The following GPHN variants were observed in gnomAD, a reference collection of about 807,000 sequenced individuals.
GPHN encodes gephyrin.
GPHN carries 17 observed loss-of-function variants against 95.5 expected under a neutral mutation model. That is an observed-to-expected ratio of 0.18 (90% CI 0.12 to 0.27). The LOEUF (loss-of-function observed/expected upper bound fraction) is 0.27, where lower values mean the gene tolerates loss of function less well. GPHN is among the 10% of genes least tolerant of loss of function. The pLI is 1.00. For synonymous variants in GPHN, 320 were observed against 322.5 expected, an observed-to-expected ratio of 0.99 and a Z score of 0.08; for missense variants, 660 against 978.1, an observed-to-expected ratio of 0.67 and a Z score of 4.34.
intron 3 of GPHN, among the ~76,000 whole-genome samples, chr14:66,800,455 T>C (rs1370300437): frequency 2.0e-5 from 3 of 152,152 alleles, no homozygotes; most frequent in Non-Finnish European, 4.4e-5. Flanking sequence ...TATTCTATTC[T>C]AGGGTAAAAG....
chr14:66,630,484 T>TAAAA (rs200022864), intron 1 of GPHN, among the ~76,000 whole-genome samples: 2,826 of 152,120 alleles, frequency 0.019, 78 homozygotes, highest in African/African-American at 0.064. Flanking sequence ...ATTGTTGTTG[T>TAAAA]TGTTATTTTT....
At chr14:66,842,337 G>T (rs2062133713) in intron 4 of GPHN, among the ~76,000 whole-genome samples, 1 of 148,674 alleles carries the variant, frequency 6.7e-6, no homozygotes, top group African/African-American at 2.5e-5. Context: ...GAGTGGAAGG[G>T]ATCCCACTGA....
chr14:67,248,273 C>A, the GPHN span, among the ~76,000 whole-genome samples: 1 of 151,918 alleles, frequency 6.6e-6, no homozygotes, highest in South Asian at 2.1e-4. Flanking sequence ...GTAGCCCCAG[C>A]CAATTGGGAG....
chr14:67,450,886 T>C, the GPHN span, among the ~76,000 whole-genome samples: 1 of 152,214 alleles, frequency 6.6e-6, no homozygotes, highest in Non-Finnish European at 1.5e-5. Flanking sequence ...CTCCAGGGCA[T>C]GTCAGAGGTC....
the GPHN span, among the ~76,000 whole-genome samples, chr14:67,351,378 G>T: frequency 6.6e-6 from 1 of 152,072 alleles, no homozygotes; most frequent in South Asian, 2.1e-4. Context: ...AAACTGTAAA[G>T]CAACAAAAGA....
intron 10 of GPHN, among the ~76,000 whole-genome samples, chr14:67,057,857 A>G (rs986498814): frequency 3.3e-5 from 5 of 152,232 alleles, no homozygotes; most frequent in African/African-American, 9.6e-5. Context: ...GGGTATGTGT[A>G]TCACTGATCA....
At chr14:67,733,955 C>A in the GPHN span, 3 of 761,922 alleles carry the variant, frequency 3.9e-6, no homozygotes, top group Non-Finnish European at 6.9e-6. Flanking sequence ...GCTGGTGCTG[C>A]GAATCCTGCC....
the GPHN span, chr14:67,620,236 C>T: frequency 9.3e-6 from 5 of 537,070 alleles, 1 homozygote; most frequent in South Asian, 8.6e-5. Flanking sequence ...CGCTACTGGG[C>T]ACCGTGGGAG....
the GPHN span, among the ~76,000 whole-genome samples, chr14:67,281,921 T>G: frequency 1.2e-4 from 19 of 152,186 alleles, no homozygotes; most frequent in Admixed American, 6.5e-5. Flanking sequence ...CTGTGGTTTT[T>G]AAAAGTACCT....
the GPHN span, chr14:67,646,784 T>A: frequency 6.6e-7 from 1 of 1,524,494 alleles, no homozygotes; most frequent in Non-Finnish European, 9.1e-7. Flanking sequence ...TCCTAGCCAA[T>A]TATGTTCTAT....
intron 4 of GPHN, among the ~76,000 whole-genome samples, chr14:66,847,968 C>G (rs912600500): frequency 4.0e-5 from 6 of 151,890 alleles, no homozygotes; most frequent in Admixed American, 6.6e-5. Flanking sequence ...GTAAATTGCC[C>G]CAGAAAGACT....
At chr14:66,941,885 T>C (rs1384453359) in intron 8 of GPHN, among the ~76,000 whole-genome samples, 1 of 152,220 alleles carries the variant, frequency 6.6e-6, no homozygotes, top group African/African-American at 2.4e-5. Context: ...TTAAGGGCTG[T>C]AAATAGTTCA....
At position 67,012,512 on chromosome 14, in the gene GPHN, A is replaced by G. The variant is rs564561942; in HGVS notation, c.964-11121A>G. 5.5e-4 allele frequency among the ~76,000 whole-genome samples: 84 copies of G among 152,246 alleles called. 1 individual carries two copies. The highest frequency in any genetic ancestry group is 3.2e-3 in the Admixed American group (49 of 15,306). On this transcript the variant is annotated intron_variant, in intron 9 of 22. Transcript: ENST00000478722. Reference sequence around the variant, plus strand: ...TGACCAATTACAACAGTCTTCTTTGATGTGGAAGAGGTTACAAATATTTCC... The same window carrying G: ...TGACCAATTACAACAGTCTTCTTTGGTGTGGAAGAGGTTACAAATATTTCC...
the GPHN span, among the ~76,000 whole-genome samples, chr14:67,532,135 T>C: frequency 1.3e-5 from 2 of 152,148 alleles, no homozygotes; most frequent in African/African-American, 4.8e-5. Context: ...TTCTCACGTT[T>C]GGCCTCCTGC....
At chr14:67,443,929 T>C in the GPHN span, among the ~76,000 whole-genome samples, 2 of 152,328 alleles carry the variant, frequency 1.3e-5, no homozygotes, top group Admixed American at 1.3e-4. Flanking sequence ...AGCTGGGAAC[T>C]GCTCAGGGCA....
At chr14:67,218,544 C>T in the GPHN span, among the ~76,000 whole-genome samples, 1 of 152,074 alleles carries the variant, frequency 6.6e-6, no homozygotes, top group Admixed American at 6.5e-5. Flanking sequence ...GGGACTGTTT[C>T]TCTGGTCCAG....
chr14:66,698,096 C>A (rs2068236161), intron 2 of GPHN, among the ~76,000 whole-genome samples: 1 of 152,070 alleles, frequency 6.6e-6, no homozygotes, highest in Admixed American at 6.6e-5. Context: ...TGACTAATTT[C>A]AAGTATCACA....
chr14:67,347,747 G>A, the GPHN span, among the ~76,000 whole-genome samples: 5 of 151,876 alleles, frequency 3.3e-5, no homozygotes, highest in East Asian at 3.9e-4. Flanking sequence ...TGATCCACCC[G>A]CCTAAACCTC....
intron 1 of GPHN, among the ~76,000 whole-genome samples, chr14:66,630,959 C>T (rs117384645): frequency 0.028 from 4,217 of 152,064 alleles, 76 homozygotes; most frequent in Non-Finnish European, 0.043. Context: ...TCCCCTCTTA[C>T]TTAACTTTAG....
Sources: gnomAD v4.1 joint callset for allele counts (sites outside exome capture counted in the v4.1 genomes callset) on GRCh38, gnomAD v4.1.1 for gene constraint, MANE v1.5 for transcripts, NCBI Gene and HGNC (gene_info 2026-07-23, HGNC 2026-07-21) for gene names.